The following ATP2A2 variants were observed in gnomAD, a reference collection of about 807,000 sequenced individuals.
The protein encoded by ATP2A2 is sarcoplasmic/endoplasmic reticulum calcium ATPase 2.
Under a neutral mutation model 109.3 loss-of-function variants are expected in ATP2A2, and 14 were observed. The ratio of observed to expected loss-of-function variants is 0.13; its 90% CI spans 0.08 to 0.20. ATP2A2 has a LOEUF of 0.20. Among genes scored for constraint, ATP2A2 ranks in the 10% least tolerant of loss-of-function variants. The pLI is 1.00. For synonymous variants in ATP2A2, 506 were observed against 490.9 expected (o/e 1.03, Z -0.41); for missense variants, 657 against 1,321.6 (o/e 0.50, Z 7.80).
intron 15 of ATP2A2, 25 bp from the exon 16 acceptor site, chr12:110,343,207 G>A (rs759467731): frequency 1.2e-6 from 2 of 1,611,368 alleles, no homozygotes; most frequent in Non-Finnish European, 1.7e-6. Flanking sequence ...GGCTCTCTTT[G>A]TCTTCTTTTC....
intron 3 of ATP2A2, 28 bp downstream of exon 3, chr12:110,282,823 C>T (rs1872281885): frequency 6.4e-7 from 1 of 1,563,872 alleles, no homozygotes; most frequent in Non-Finnish European, 8.8e-7. Flanking sequence ...TATTTTCTTT[C>T]CCCCCAAAAG....
In ATP2A2 at chr12:110,284,342, A is replaced by G. The variant is rs3026441; in HGVS notation, c.219+1547A>G. Among the ~76,000 whole-genome samples the G allele has an allele frequency of 5.9e-3, 894 of 152,348 alleles. 6 individuals are homozygous for G. Among genetic ancestry groups the G allele is most frequent in the Non-Finnish European group, 6.3e-3 (431 of 68,042 alleles). ...GGTACATAATAGCGTTGGCAGTTAA[A>G]TAATGGGGTCCGATAAGGTCATTGG... On this transcript the variant is annotated intron_variant, in intron 3 of 19. Transcript: ENST00000539276.
chr12:110,338,030 C>G (rs1879005584), intron 11 of ATP2A2, among the ~76,000 whole-genome samples: 1 of 152,210 alleles, frequency 6.6e-6, no homozygotes, highest in Non-Finnish European at 1.5e-5. Context: ...CACTCGCTCC[C>G]TCTTTGAAGC....
At chr12:110,294,331 C>G (rs1873725534) in intron 4 of ATP2A2, among the ~76,000 whole-genome samples, 1 of 152,164 alleles carries the variant, frequency 6.6e-6, no homozygotes, top group African/African-American at 2.4e-5. Flanking sequence ...GTGTGAGCCA[C>G]TGTGCCTGGC....
chr12:110,334,360 C>G lies in ATP2A2; in HGVS notation c.1419+217C>G, dbSNP rs1878628634. On this transcript the variant is annotated intron_variant, in intron 11 of 19. Transcript: ENST00000539276. ...ATCAATAGCTAATTTCCTTGAGCGA[C>G]CCTCTGGGCCCACAGGGGCTGCCTT... The G allele has an allele frequency of 1.3e-5, 8 of 614,730 alleles. No homozygotes were observed. The East Asian group carries it at 2.5e-4, about 19-fold the overall frequency. The allele number at this position is 614,730 out of a possible 1,614,324, so 38.1% of individuals were successfully genotyped here.
chr12:110,312,140 G>C (rs1876146064), intron 5 of ATP2A2, among the ~76,000 whole-genome samples: 1 of 151,976 alleles, frequency 6.6e-6, no homozygotes, highest in African/African-American at 2.4e-5. Context: ...GATCGTGCCA[G>C]TATGCTCCAG....
chr12:110,330,281 A>G (rs962365744), intron 8 of ATP2A2: 4 of 152,198 alleles, frequency 2.6e-5, no homozygotes, highest in East Asian at 3.8e-4. Flanking sequence ...CCTCCCCCGC[A>G]AGCTCCTTGT....
chr12:110,289,327 A>G (rs1873013613), intron 3 of ATP2A2, among the ~76,000 whole-genome samples: 1 of 152,216 alleles, frequency 6.6e-6, no homozygotes, highest in African/African-American at 2.4e-5. Flanking sequence ...CTCCTTGGCA[A>G]ATGTTTGAAA....
At chr12:110,326,177 TG>T (rs2137812035) in intron 6 of ATP2A2, 1 of 573,966 alleles carries the variant, frequency 1.7e-6, no homozygotes, top group African/African-American at 1.9e-5. Flanking sequence ...TTTGGAATTG[TG>T]TTGATTTTTA....
chr12:110,289,826 T>C (rs547875061), intron 3 of ATP2A2, among the ~76,000 whole-genome samples: 1 of 152,368 alleles, frequency 6.6e-6, no homozygotes, highest in Non-Finnish European at 1.5e-5. Flanking sequence ...AAGAGGTTTT[T>C]AAATTTTTAA....
chr12:110,292,861 T>C (rs951458003), intron 4 of ATP2A2, among the ~76,000 whole-genome samples: 11 of 152,210 alleles, frequency 7.2e-5, no homozygotes, highest in African/African-American at 2.7e-4. Context: ...AATGAGAATG[T>C]GAGAACCATT....
chr12:110,346,198 C>A lies in ATP2A2; in HGVS notation c.2860-3C>A. 6.2e-7 allele frequency: 1 copy of A among 1,614,108 alleles called. No individual in the cohort carries two copies. On this transcript the variant is annotated splice_polypyrimidine_tract_variant and splice_region_variant and intron_variant, in intron 19 of 19. Coordinates refer to ENST00000539276, the MANE Select transcript of ATP2A2 (RefSeq NM_170665.4). ...GGCGTGACACGTCTTCCCTGTGTGT[C>A]AGCTCATCTTCCAGATCACACCGCT...
At chr12:110,310,176 G>A (rs1466606977) in intron 5 of ATP2A2, among the ~76,000 whole-genome samples, 2 of 151,118 alleles carry the variant, frequency 1.3e-5, no homozygotes, top group Admixed American at 6.6e-5. Context: ...AAGTAGAGAC[G>A]GGATTTTACC....
rs754665446 is a variant in ATP2A2 at position 110,340,649 on chromosome 12, CT to C, written c.1762-8del. ...TGCCACTTTTATTTAAAGTGATGCT[CT>C]TATTTTAGACCAATCTGACCTTCGT... On this transcript the variant is annotated splice_polypyrimidine_tract_variant and intron_variant, in intron 13 of 19. Coordinates refer to ENST00000539276, the MANE Select transcript of ATP2A2 (RefSeq NM_170665.4). The surrounding 1 kb of genome is among the most constrained non-coding windows in gnomAD (Gnocchi z 6.0). The C allele has an allele frequency of 6.2e-7, 1 of 1,614,050 alleles. No homozygotes were observed. Among genetic ancestry groups the C allele is most frequent in the African/African-American group, 1.3e-5 (1 of 75,040 alleles).
rs1376789852 is a variant in ATP2A2 at position 110,346,946 on chromosome 12, T to C, written c.*476T>C. On this transcript the variant is annotated 3_prime_UTR_variant, in exon 20 of 20. Transcript: ENST00000539276. ...TATTCATAAGCCAATTTTTCTGCAC[T>C]GAGCAGAGTCTTGCTACCTCAGTCA... 9.2e-7 allele frequency: 1 copy of C among 1,092,620 alleles called. No homozygotes were observed. Among genetic ancestry groups the C allele is most frequent in the Non-Finnish European group, 1.1e-6 (1 of 895,500 alleles). The allele number at this position is 1,092,620 out of a possible 1,614,324, so 67.7% of individuals were successfully genotyped here. A position where few individuals can be genotyped will look rare whatever the true frequency, so the allele number is the denominator to read the frequency against.
intron 3 of ATP2A2, among the ~76,000 whole-genome samples, chr12:110,288,585 A>G (rs1423030883): frequency 6.6e-6 from 1 of 151,898 alleles, no homozygotes; most frequent in Admixed American, 6.6e-5. Context: ...TTTGTATTTT[A>G]GTAGAGATGG....
In ATP2A2 at chr12:110,288,174, G is replaced by A. The variant is rs111460437; in HGVS notation, c.220-3846G>A. Among the ~76,000 whole-genome samples, 367 of 139,836 alleles carry A rather than the reference G, an allele frequency of 2.6e-3. 2 individuals are homozygous for A. The highest frequency in any genetic ancestry group is 9.1e-3 in the African/African-American group (329 of 36,210). 91.7% of individuals were successfully genotyped at this position (139,836 alleles called of 152,430 possible). On this transcript the variant is annotated intron_variant, in intron 3 of 19. Transcript: ENST00000539276. ...CTAGGCTGGAATGTAGTAGTGGCAC[G>A]ATCATAGCTCATTATAACCTCAAAC...
At chr12:110,306,083 G>C (rs1409227894) in intron 5 of ATP2A2, among the ~76,000 whole-genome samples, 1 of 152,126 alleles carries the variant, frequency 6.6e-6, no homozygotes, top group Non-Finnish European at 1.5e-5. Flanking sequence ...CGCTATGACA[G>C]GCTGGAGTGC....
chr12:110,293,367 C>CTTTTT (rs1178977431), intron 4 of ATP2A2, among the ~76,000 whole-genome samples: 26 of 79,920 alleles, frequency 3.3e-4, no homozygotes, highest in South Asian at 1.4e-3. Context: ...CACTCCCGGC[C>CTTTTT]TTTTTTTTTT....
Sources: gnomAD v4.1 joint callset for allele counts (sites outside exome capture counted in the v4.1 genomes callset) on GRCh38, gnomAD v4.1.1 for gene constraint, Gnocchi (gnomAD v3.1) non-coding constraint, MANE v1.5 for transcripts, NCBI Gene and HGNC (gene_info 2026-07-23, HGNC 2026-07-21) for gene names.